Variants in FOCAD observed in about 807,000 individuals in gnomAD.
The protein encoded by FOCAD is KIAA1797.
Under a neutral mutation model 225.6 loss-of-function variants are expected in FOCAD, and 198 were observed. The observed-to-expected ratio is 0.88, with a 90% CI of 0.78 to 0.99. FOCAD has a LOEUF of 0.99. Among genes scored for constraint, FOCAD ranks in the 50% least tolerant of loss-of-function variants. The pLI, the probability that FOCAD is intolerant of heterozygous loss-of-function variation, is 0.00. For synonymous variants in FOCAD, 897 were observed against 755.0 expected (o/e 1.19, Z -3.08); for missense variants, 2,713 against 2,123.6 (o/e 1.28, Z -5.46).
At chr9:20,707,025 C>T (rs958756345) in intron 1 of FOCAD, among the ~76,000 whole-genome samples, 2 of 152,170 alleles carry the variant, frequency 1.3e-5, no homozygotes, top group Non-Finnish European at 2.9e-5. Flanking sequence ...CTGGAGAGAA[C>T]TTGATCACAT....
chr9:20,865,162 G>A (rs1401125364), intron 16 of FOCAD, among the ~76,000 whole-genome samples: 1 of 152,054 alleles, frequency 6.6e-6, no homozygotes, highest in Non-Finnish European at 1.5e-5. Context: ...CATTTGATGA[G>A]CACAGTTAAT....
intron 5 of FOCAD, among the ~76,000 whole-genome samples, chr9:20,745,689 G>C (rs147681543): frequency 6.6e-6 from 1 of 152,116 alleles, no homozygotes; most frequent in Admixed American, 6.6e-5. Flanking sequence ...TCCAGAATTC[G>C]TGTATTTTTC....
intron 40 of FOCAD, among the ~76,000 whole-genome samples, chr9:20,987,707 C>T (rs1461433149): frequency 6.6e-6 from 1 of 152,078 alleles, no homozygotes; most frequent in East Asian, 1.9e-4. Flanking sequence ...ATGCAATAAA[C>T]TGAAATAAAT....
At chr9:20,759,311 A>G (rs1391071766) in intron 6 of FOCAD, among the ~76,000 whole-genome samples, 3 of 152,210 alleles carry the variant, frequency 2.0e-5, no homozygotes, top group Non-Finnish European at 2.9e-5. Context: ...ACTTCAAACT[A>G]TACTACAAGG....
rs758789176 is a variant in FOCAD at position 20,923,640 on chromosome 9, A to G, written c.2853-20A>G. On this transcript the variant is annotated intron_variant, in intron 24 of 43. Transcript: ENST00000338382. ...GTTAATACCAAAGTTCTCTGTTGAA[A>G]TTTTTTTCCTTTTGAACAGGGAGAG... is the stretch of plus-strand genomic sequence containing the variant. 2.5e-6 allele frequency: 4 copies of G among 1,603,610 alleles called. No individual in the cohort carries two copies. In the South Asian group the frequency reaches 3.3e-5, roughly 13 times the overall value.
chr9:20,716,715 A>C (rs1047147414), intron 2 of FOCAD, among the ~76,000 whole-genome samples: 1 of 151,400 alleles, frequency 6.6e-6, no homozygotes, highest in African/African-American at 2.4e-5. Context: ...TTTGATTCAC[A>C]CACGTTTTTT....
rs539663198 is a variant in FOCAD, at chr9:20,710,608, AT to A, written c.-32-4713del. ...CGTAACTCTGTCTCAAAAAAAAAAA[AT>A]AATAATATAACATTTCCTTTTGCTT... On this transcript the variant is annotated intron_variant, in intron 1 of 43. Coordinates refer to ENST00000338382, the MANE Select transcript of FOCAD (RefSeq NM_001375567.1). 4.5e-3 allele frequency among the ~76,000 whole-genome samples: 684 copies of A among 152,034 alleles called. 5 individuals carry two copies. The highest frequency in any genetic ancestry group is 0.016 in the African/African-American group (653 of 41,416).
intron 4 of FOCAD, among the ~76,000 whole-genome samples, chr9:20,738,403 C>G (rs967101419): frequency 6.6e-6 from 1 of 152,210 alleles, no homozygotes; most frequent in Admixed American, 6.5e-5. Context: ...AGAATTGACA[C>G]AGTACCAATG....
At chr9:20,664,291 A>G (rs1821830726) in intron 2 of FOCAD, among the ~76,000 whole-genome samples, 1 of 149,620 alleles carries the variant, frequency 6.7e-6, no homozygotes, top group Non-Finnish European at 1.5e-5. Context: ...CATATTGACT[A>G]AGTGATCTGA....
chr9:20,768,231 T>A (rs1830229319), intron 7 of FOCAD, among the ~76,000 whole-genome samples: 1 of 149,900 alleles, frequency 6.7e-6, no homozygotes, highest in Admixed American at 6.7e-5. Flanking sequence ...GACTGTAGCC[T>A]TGTAGTATAG....
chr9:20,983,934 T>C (rs1587785443), intron 39 of FOCAD, among the ~76,000 whole-genome samples: 1 of 152,198 alleles, frequency 6.6e-6, no homozygotes, highest in East Asian at 1.9e-4. Flanking sequence ...TATTATTACA[T>C]TCATGTAATT....
intron 15 of FOCAD, among the ~76,000 whole-genome samples, chr9:20,827,891 G>A (rs1825074986): frequency 6.6e-6 from 1 of 151,976 alleles, no homozygotes; most frequent in South Asian, 2.1e-4. Context: ...AGTAGATTTT[G>A]GCTGGGCGTG....
In FOCAD at chr9:20,978,440, A is replaced by C. The variant is rs149031092; in HGVS notation, c.4363A>C (p.Ile1455Leu). ...LLGLWVTPPL[I>L]HSLSLNTKRY... is the part of the protein sequence containing the mutation. ...GGGCTTGTGGGTGACACCACCACTG[A>C]TCCACAGTCTGAGTGTATGTAGTAA... is the stretch of plus-strand genomic sequence containing the variant. Residue 1455 changes from isoleucine (I) to leucine (L), a missense_variant, in exon 37 of 44, where the codon ATC becomes CTC. Coordinates refer to ENST00000338382, the MANE Select transcript of FOCAD (RefSeq NM_001375567.1). 5.3e-5 allele frequency: 86 copies of C among 1,608,920 alleles called. No homozygotes were observed. In the African/African-American group the frequency reaches 1.0e-3, roughly 19 times the overall value.
intron 15 of FOCAD, among the ~76,000 whole-genome samples, chr9:20,856,366 C>T (rs1828184952): frequency 6.6e-6 from 1 of 151,712 alleles, no homozygotes; most frequent in Non-Finnish European, 1.5e-5. Flanking sequence ...TTTTCATGTA[C>T]CTGCTAACCA....
chr9:20,889,579 T>C (rs939578788), intron 21 of FOCAD, among the ~76,000 whole-genome samples: 10 of 152,178 alleles, frequency 6.6e-5, no homozygotes, highest in African/African-American at 2.4e-4. Flanking sequence ...TGTACTCACT[T>C]TTGTTCCATT....
intron 11 of FOCAD, among the ~76,000 whole-genome samples, chr9:20,801,917 G>A (rs781766931): frequency 3.0e-4 from 46 of 152,108 alleles, no homozygotes; most frequent in Non-Finnish European, 5.6e-4. Context: ...CAGAAGTGTC[G>A]AGTGCAGTCC....
chr9:20,682,586 A>G (rs934901132), upstream of FOCAD, among the ~76,000 whole-genome samples: 2 of 152,236 alleles, frequency 1.3e-5, no homozygotes, highest in Non-Finnish European at 2.9e-5. Context: ...AATTTTGACT[A>G]ATGAGCCTCA....
chr9:20,926,267 CTG>C, intron 25 of FOCAD, 32 bp from the exon 26 acceptor site: 1 of 1,230,024 alleles, frequency 8.1e-7, no homozygotes, highest in East Asian at 2.3e-5. Flanking sequence ...TTTGTTTTCT[CTG>C]TAATCATTTC....
intron 1 of FOCAD, among the ~76,000 whole-genome samples, chr9:20,695,985 A>G (rs912053571): frequency 2.6e-5 from 4 of 152,234 alleles, no homozygotes; most frequent in Non-Finnish European, 5.9e-5. Context: ...TTTTTAGCTG[A>G]TATGGACAAA....
Sources: allele counts gnomAD v4.1 joint callset (sites outside exome capture counted in the v4.1 genomes callset), GRCh38; gene constraint gnomAD v4.1.1; transcripts MANE v1.5; gene names NCBI Gene and HGNC (gene_info 2026-07-23, HGNC 2026-07-21).